Variants in ATP2B3 observed in about 807,000 individuals in gnomAD.
ATP2B3 encodes plasma membrane calcium-transporting ATPase 3.
A neutral mutation model predicts 70.8 loss-of-function variants in ATP2B3; 12 were observed. The ratio of observed to expected loss-of-function variants is 0.17; its 90% CI spans 0.11 to 0.27. The LOEUF (loss-of-function observed/expected upper bound fraction) is 0.27. Ranked by LOEUF, ATP2B3 falls within the 10% of genes least tolerant of loss-of-function variation. ATP2B3 has a pLI of 1.00. For missense variants in ATP2B3, 858 were observed against 1,118.5 expected, an observed-to-expected ratio of 0.77 and a Z score of 3.32; for synonymous variants, 460 against 497.8, an observed-to-expected ratio of 0.92 and a Z score of 1.01.
intron 21 of ATP2B3, among the ~76,000 whole-genome samples, chrX:153,573,653 C>T (rs2090819604): frequency 1.8e-5 from 2 of 112,626 alleles, no homozygotes; most frequent in African/African-American, 3.2e-5. Flanking sequence ...TCAGGCACTC[C>T]GAGTGTGGAC....
At chrX:153,530,026 G>T (rs190152440) in intron 2 of ATP2B3, among the ~76,000 whole-genome samples, 1 of 112,835 alleles carries the variant, frequency 8.9e-6, no homozygotes, top group Non-Finnish European at 1.9e-5. Flanking sequence ...CTATGAACTT[G>T]AGTGGACAAA....
At chrX:153,567,741 G>A (rs781993128) in intron 21 of ATP2B3, among the ~76,000 whole-genome samples, 2 of 111,580 alleles carry the variant, frequency 1.8e-5, no homozygotes, top group African/African-American at 3.3e-5. Context: ...CCTGTTTTGC[G>A]TATGAGGAAA....
chrX:153,528,785 A>G (rs782519952), intron 2 of ATP2B3, among the ~76,000 whole-genome samples: 6 of 111,593 alleles, frequency 5.4e-5, no homozygotes, highest in Non-Finnish European at 1.1e-4. Flanking sequence ...CTGTCCCCAC[A>G]TCAGCATTCC....
intron 21 of ATP2B3, among the ~76,000 whole-genome samples, chrX:153,574,239 C>T (rs73247607): frequency 0.052 from 5,861 of 112,126 alleles, 132 homozygotes; most frequent in African/African-American, 0.079. Context: ...TTCACCTTCA[C>T]GCCTACAGGG....
At position 153,556,993 on chromosome X, in the gene ATP2B3, C is replaced by T. The variant is rs2124479703; in HGVS notation, c.2403C>T (p.Ala801=). The part of the protein sequence containing the change: ...VTGDGTNDGP[A]LKKADVGFAM... ...GGGATGGCACCAACGATGGGCCGGC[C>T]CTCAAGAAGGCGGACGTGGGCTTCG... The change falls in exon 16 of 22, where the codon GCC becomes GCT. Residue 801 remains alanine (A), a synonymous_variant. Transcript: ENST00000263519. 1 of 1,189,661 alleles carries T rather than the reference C, an allele frequency of 8.4e-7. No homozygotes were observed. Among genetic ancestry groups the T allele is most frequent in the African/African-American group, 1.8e-5 (1 of 57,082 alleles).
At chrX:153,521,524 T>A (rs1454926554) in intron 2 of ATP2B3, among the ~76,000 whole-genome samples, 1 of 112,408 alleles carries the variant, frequency 8.9e-6, no homozygotes, top group African/African-American at 3.2e-5. Context: ...AGGACTCTTT[T>A]AGAGCACGAG....
intron 3 of ATP2B3, among the ~76,000 whole-genome samples, chrX:153,538,547 GC>G (rs1246141967): frequency 1.1e-4 from 12 of 113,031 alleles, no homozygotes. Flanking sequence ...CCCGCCCAGT[GC>G]CCCTCTGGGC....
In ATP2B3 at chrX:153,550,202, G is replaced by A. The variant is rs2090435570; in HGVS notation, c.1739G>A (p.Arg580His). ...AAAGTGTACACCTTCAACTCGGTCCGCAAGTCCATGAGCACAGTCATCCGC... is the reference window on the plus strand; with the variant it reads ...AAAGTGTACACCTTCAACTCGGTCCACAAGTCCATGAGCACAGTCATCCGC... Reference protein sequence around the residue: ...LYKVYTFNSVRKSMSTVIRMP... With the variant: ...LYKVYTFNSVHKSMSTVIRMP... The change falls in exon 12 of 22, where the codon CGC (arginine) becomes CAC (histidine). Residue 580 changes from arginine to histidine, a missense_variant. Coordinates refer to ENST00000263519, the MANE Select transcript of ATP2B3 (RefSeq NM_001001344.3). The A allele has an allele frequency of 8.2e-7, 1 of 1,212,407 alleles. No homozygotes were observed. Among genetic ancestry groups the A allele is most frequent in the Non-Finnish European group, 1.1e-6 (1 of 895,610 alleles).
At chrX:153,536,498 G>A in intron 3 of ATP2B3, 43 bp downstream of exon 3, 1 of 1,159,586 alleles carries the variant, frequency 8.6e-7, no homozygotes. Context: ...CCTGCTCCCA[G>A]CCTTCAGAGG....
rs1557022780 is a variant in ATP2B3, at chrX:153,580,758, G to A, written c.*460G>A. 1.9e-5 allele frequency: 2 copies of A among 106,562 alleles called. No individual in the cohort carries two copies. Among genetic ancestry groups the A allele is most frequent in the African/African-American group, 3.6e-5 (1 of 27,929 alleles). 8.8% of individuals were successfully genotyped at this position (106,562 alleles called of 1,213,427 possible). ...GAGCTTTTGTTGCACCCATGCAGGG[G>A]CAATCAGATCAGCATCTTCATGCAA... On this transcript the variant is annotated 3_prime_UTR_variant, in exon 22 of 22. Coordinates refer to ENST00000263519, the MANE Select transcript of ATP2B3 (RefSeq NM_001001344.3).
rs148804632 is a variant in ATP2B3 at position 153,559,558 on chromosome X, G to C, written c.2626-171G>C. The C allele has an allele frequency of 1.5e-3, 691 of 451,028 alleles. 5 individuals carry two copies. Among genetic ancestry groups the C allele is most frequent in the African/African-American group, 0.014 (586 of 40,972 alleles). 37.2% of individuals were successfully genotyped at this position (451,028 alleles called of 1,213,427 possible). A position where few individuals can be genotyped will look rare whatever the true frequency, so the allele number is the denominator to read the frequency against. ...GGAGGCGGGCACGTGACAGCCCAAA[G>C]AAAACGCCCCACTAGCGTAAAGGCG... is the stretch of plus-strand genomic sequence containing the variant. On this transcript the variant is annotated intron_variant, in intron 17 of 21. Transcript: ENST00000263519.
intron 2 of ATP2B3, among the ~76,000 whole-genome samples, chrX:153,532,142 C>T (rs943027989): frequency 1.8e-5 from 2 of 112,222 alleles, no homozygotes; most frequent in Non-Finnish European, 3.8e-5. Context: ...TCCTGGCCCT[C>T]GTAGGGTGTT....
At chrX:153,576,049 ATTTCC>A (rs782117137) in intron 21 of ATP2B3, among the ~76,000 whole-genome samples, 66 of 111,746 alleles carry the variant, frequency 5.9e-4, no homozygotes, top group African/African-American at 2.1e-3. Flanking sequence ...GAGTGCTTTC[ATTTCC>A]TTTCTTTTTA....
chrX:153,562,427 C>A (rs1557016699), intron 20 of ATP2B3, among the ~76,000 whole-genome samples, 185 bp downstream of exon 20: 2 of 112,139 alleles, frequency 1.8e-5, no homozygotes, highest in Non-Finnish European at 3.8e-5. Context: ...CAAAAGAATG[C>A]AAAGGAACAT....
intron 21 of ATP2B3, chrX:153,569,269 G>A (rs782733890): frequency 2.8e-5 from 14 of 493,675 alleles, no homozygotes; most frequent in African/African-American, 1.6e-4. Context: ...GAAAAACAAG[G>A]TTGAGAACTA....
intron 2 of ATP2B3, among the ~76,000 whole-genome samples, chrX:153,531,960 G>A (rs2090124614): frequency 1.8e-5 from 2 of 111,911 alleles, no homozygotes; most frequent in African/African-American, 3.2e-5. Flanking sequence ...GTGGCCGAGT[G>A]GAATGCAGCC....
chrX:153,564,856 G>T, intron 20 of ATP2B3, 65 bp from the exon 21 acceptor site: 1 of 1,054,392 alleles, frequency 9.5e-7, no homozygotes, highest in East Asian at 3.4e-5. Context: ...TCTGGAGAGG[G>T]ACCTTACACC....
chrX:153,541,775 G>A lies in ATP2B3; in HGVS notation c.513G>A (p.Thr171=), dbSNP rs782579957. The A allele has an allele frequency of 3.3e-6, 4 of 1,211,667 alleles. No homozygotes were observed. Among genetic ancestry groups the A allele is most frequent in the South Asian group, 1.8e-5 (1 of 56,991 alleles). ...CCGTCATCTGTGTGGTGCTGGTCAC[G>A]GCCTTCAATGACTGGAGCAAGGAGA... The part of the protein sequence containing the change: ...LLSVICVVLV[T]AFNDWSKEKQ... The change falls in exon 5 of 22, where the codon ACG becomes ACA. Residue 171 remains threonine, a synonymous_variant. Transcript: ENST00000263519.
At chrX:153,563,568 A>G (rs1277958195) in intron 20 of ATP2B3, among the ~76,000 whole-genome samples, 1 of 111,847 alleles carries the variant, frequency 8.9e-6, no homozygotes, top group Non-Finnish European at 1.9e-5. Flanking sequence ...TTTCATTTTC[A>G]GAATTCTCCT....
Sources: allele counts gnomAD v4.1 joint callset (sites outside exome capture counted in the v4.1 genomes callset), GRCh38; gene constraint gnomAD v4.1.1; transcripts MANE v1.5; gene names NCBI Gene and HGNC (gene_info 2026-07-23, HGNC 2026-07-21).